Variants in CYP26A1 observed in about 807,000 individuals in gnomAD.
CYP26A1 encodes cytochrome P450 26A1.
CYP26A1 carries 46 observed loss-of-function variants against 47.4 expected under a neutral mutation model. The observed-to-expected ratio is 0.97, with a 90% CI of 0.77 to 1.24. The LOEUF is 1.24. Among genes scored for constraint, CYP26A1 ranks in the 50% most tolerant of loss-of-function variants. The probability of loss-of-function intolerance (pLI) is 0.00; values close to 1 mark genes in which losing one functional copy is unlikely to be tolerated. For synonymous variants in CYP26A1, 277 were observed against 263.7 expected, an observed-to-expected ratio of 1.05 and a Z score of -0.49; for missense variants, 680 against 644.4, an observed-to-expected ratio of 1.06 and a Z score of -0.60.
Position 93,075,083 on chromosome 10 carries a change from A to G in CYP26A1, c.705+14A>G, listed in dbSNP as rs773029246. 5.0e-6 allele frequency: 8 copies of G among 1,611,178 alleles called. No homozygotes were observed. In the Admixed American group the frequency reaches 1.0e-4, roughly 20 times the overall value. On this transcript the variant is annotated intron_variant, in intron 3 of 6. Transcript: ENST00000224356. Reference sequence around the variant, plus strand: ...GGGCTGTACCGGGTAAGGGCGGCAAACGGGCTGCGGACTAGGGGCGCGGGA... The same window carrying G: ...GGGCTGTACCGGGTAAGGGCGGCAAGCGGGCTGCGGACTAGGGGCGCGGGA...
rs772131596 is a variant in CYP26A1 at position 93,074,800 on chromosome 10, C to A, written c.436C>A (p.Arg146Ser). The change falls in exon 3 of 7, where the codon CGC (arginine) becomes AGC (serine). Residue 146 changes from arginine to serine, a missense_variant. By Grantham distance (110) the Arg-to-Ser change is moderately radical. Transcript: ENST00000224356. This position sits in a 1 kb window ranked among gnomAD's most constrained non-coding sequence, Gnocchi z 5.3. ...RKKVIMRAFS[R>S]EALECYVPVI... ...TCAGGTGATTATGCGGGCCTTCAGC[C>A]GCGAGGCACTCGAATGCTACGTGCC... 19 of 1,606,704 alleles carry A rather than the reference C, an allele frequency of 1.2e-5. No homozygotes were observed. Among genetic ancestry groups the A allele is most frequent in the Non-Finnish European group, 1.6e-5 (19 of 1,179,534 alleles).
chr10:93,074,814 A>G lies in CYP26A1; in HGVS notation c.450A>G (p.Glu150=). The change falls in exon 3 of 7, where the codon GAA becomes GAG. Residue 150 remains glutamate (E), a synonymous_variant. Transcript: ENST00000224356. This position sits in a 1 kb window ranked among gnomAD's most constrained non-coding sequence, Gnocchi z 5.3. ...IMRAFSREAL[E]CYVPVITEEV... is the part of the protein sequence containing the mutation. ...GGGCCTTCAGCCGCGAGGCACTCGA[A>G]TGCTACGTGCCGGTGATCACCGAGG... The G allele has an allele frequency of 1.2e-6, 2 of 1,609,458 alleles. No homozygotes were observed. Among genetic ancestry groups the G allele is most frequent in the Non-Finnish European group, 8.5e-7 (1 of 1,179,820 alleles).
intron 4 of CYP26A1, 65 bp downstream of exon 4, chr10:93,075,372 T>A: frequency 6.6e-7 from 1 of 1,520,104 alleles, no homozygotes; most frequent in Non-Finnish European, 9.0e-7. Flanking sequence ...GCGCTGTTCC[T>A]GGGGCCCCCA....
chr10:93,074,723 G>A lies in CYP26A1; in HGVS notation c.415-56G>A. 1.4e-6 allele frequency: 2 copies of A among 1,438,856 alleles called. No individual in the cohort carries two copies. The highest frequency in any genetic ancestry group is 1.4e-5 in the African/African-American group (1 of 71,960). The allele number at this position is 1,438,856 out of a possible 1,614,324, so 89.1% of individuals were successfully genotyped here. ...CTGGGGGTGTCTGGAAGGGGACGGC[G>A]GTAGACGAGAGGGGCGGATGGAGGC... On this transcript the variant is annotated intron_variant, in intron 2 of 6. Coordinates refer to ENST00000224356, the MANE Select transcript of CYP26A1 (RefSeq NM_000783.4). The surrounding 1 kb of genome is among the most constrained non-coding windows in gnomAD (Gnocchi z 5.3).
At position 93,075,077 on chromosome 10, in the gene CYP26A1, C is replaced by A; in HGVS notation, c.705+8C>A. On this transcript the variant is annotated splice_region_variant and intron_variant, in intron 3 of 6. Coordinates refer to ENST00000224356, the MANE Select transcript of CYP26A1 (RefSeq NM_000783.4). Reference sequence around the variant, plus strand: ...TTCAGCGGGCTGTACCGGGTAAGGGCGGCAAACGGGCTGCGGACTAGGGGC... The same window carrying A: ...TTCAGCGGGCTGTACCGGGTAAGGGAGGCAAACGGGCTGCGGACTAGGGGC... 6.2e-7 allele frequency: 1 copy of A among 1,611,250 alleles called. No individual in the cohort carries two copies. The highest frequency in any genetic ancestry group is 8.5e-7 in the Non-Finnish European group (1 of 1,178,658).
Position 93,075,002 on chromosome 10 carries a change from C to T in CYP26A1, c.638C>T (p.Ala213Val). The T allele has an allele frequency of 1.2e-6, 2 of 1,613,068 alleles. No individual in the cohort carries two copies. Among genetic ancestry groups the T allele is most frequent in the Non-Finnish European group, 1.7e-6 (2 of 1,180,014 alleles). Reference protein sequence around the residue: ...DGDSEQQLVEAFEEMTRNLFS... With the variant: ...DGDSEQQLVEVFEEMTRNLFS... Reference sequence around the variant, plus strand: ...GACTCCGAGCAGCAGCTTGTGGAGGCCTTCGAGGAAATGACCCGCAATCTC... The same window carrying T: ...GACTCCGAGCAGCAGCTTGTGGAGGTCTTCGAGGAAATGACCCGCAATCTC... The change falls in exon 3 of 7, where the codon GCC (alanine) becomes GTC (valine). Residue 213 changes from alanine (A) to valine (V), a missense_variant. By Grantham distance (64) the Ala-to-Val change is moderately conservative. Transcript: ENST00000224356.
intron 6 of CYP26A1, 68 bp downstream of exon 6, chr10:93,076,764 G>A: frequency 8.2e-7 from 1 of 1,220,370 alleles, no homozygotes; most frequent in Non-Finnish European, 1.2e-6. Context: ...TCCCTATGCT[G>A]TGGCTGCAAT....
chr10:93,075,806 G>C lies in CYP26A1; in HGVS notation c.865-20G>C. 1 of 1,599,528 alleles carries C rather than the reference G, an allele frequency of 6.3e-7. No individual in the cohort carries two copies. Among genetic ancestry groups the C allele is most frequent in the East Asian group, 2.2e-5 (1 of 44,772 alleles). On this transcript the variant is annotated intron_variant, in intron 4 of 6. Transcript: ENST00000224356. The stretch of plus-strand genomic sequence containing the variant: ...ACCGCAGGCAGACTTGTGAGAATGT[G>C]GGTCTCACTCTATTCTTAGGCACTA...
Position 93,077,154 on chromosome 10 carries a change from A to C in CYP26A1, c.1344A>C (p.Ala448=). 1 of 1,613,986 alleles carries C rather than the reference A, an allele frequency of 6.2e-7. No homozygotes were observed. Residue 448 remains alanine, a synonymous_variant, in exon 7 of 7, where the codon GCA becomes GCC. Transcript: ENST00000224356. The stretch of plus-strand genomic sequence containing the variant: ...GGAGCTGTGTAGGCAAAGAATTTGC[A>C]AAAATTCTTCTCAAAATATTTACAG... ...GLRSCVGKEF[A]KILLKIFTVE...
In CYP26A1 at chr10:93,076,547, T is replaced by A. The variant is rs1441867049; in HGVS notation, c.1003T>A (p.Leu335Ile). ...KVREELKSKG[L>I]LCKSNQDNKL... ...CTCTGTATGACTGTTTTGATAGGGT[T>A]TACTTTGCAAGAGCAATCAAGACAA... is the stretch of plus-strand genomic sequence containing the variant. The change falls in exon 6 of 7, where the codon TTA becomes ATA. Residue 335 changes from leucine to isoleucine, a missense_variant. Leu to Ile is a conservative substitution (Grantham distance 5). Coordinates refer to ENST00000224356, the MANE Select transcript of CYP26A1 (RefSeq NM_000783.4). The A allele has an allele frequency of 1.9e-6, 3 of 1,604,372 alleles. No homozygotes were observed. Among genetic ancestry groups the A allele is most frequent in the Non-Finnish European group, 2.6e-6 (3 of 1,173,550 alleles).
Position 93,077,625 on chromosome 10 carries a change from A to G in CYP26A1, c.*321A>G, listed in dbSNP as rs1466133154. ...ATCTTTGCATCTGTTTTCTGTGAGA[A>G]GAAATCTTAGCTGTTTTTTATGTTA... is the stretch of plus-strand genomic sequence containing the variant. On this transcript the variant is annotated 3_prime_UTR_variant, in exon 7 of 7. Coordinates refer to ENST00000224356, the MANE Select transcript of CYP26A1 (RefSeq NM_000783.4). 1 of 174,230 alleles carries G rather than the reference A, an allele frequency of 5.7e-6. No individual in the cohort carries two copies. The highest frequency in any genetic ancestry group is 1.2e-5 in the Non-Finnish European group (1 of 83,386). 10.8% of individuals were successfully genotyped at this position (174,230 alleles called of 1,614,324 possible).
rs1390466497 is a variant in CYP26A1 at position 93,074,996 on chromosome 10, T to G, written c.632T>G (p.Val211Gly). ...AGDGDSEQQL[V>G]EAFEEMTRNL... ...GACGGGGACTCCGAGCAGCAGCTTG[T>G]GGAGGCCTTCGAGGAAATGACCCGC... The change falls in exon 3 of 7, where the codon GTG (valine) becomes GGG (glycine). Residue 211 changes from valine to glycine, a missense_variant. Val to Gly is a moderately radical substitution (Grantham distance 109, BLOSUM62 -3). Coordinates refer to ENST00000224356, the MANE Select transcript of CYP26A1 (RefSeq NM_000783.4). This position sits in a 1 kb window ranked among gnomAD's most constrained non-coding sequence, Gnocchi z 5.3. The G allele has an allele frequency of 6.2e-7, 1 of 1,613,100 alleles. No homozygotes were observed.
In CYP26A1 at chr10:93,075,216, T is replaced by C. The variant is rs771947140; in HGVS notation, c.773T>C (p.Leu258Pro). Residue 258 changes from leucine to proline, a missense_variant, in exon 4 of 7, where the codon CTG becomes CCG. Transcript: ENST00000224356. ...EQNIRAKICGLRASEAGQGCK... is the reference protein window; with the variant it reads ...EQNIRAKICGPRASEAGQGCK... ...AACATTCGCGCCAAGATCTGCGGGC[T>C]GCGGGCATCCGAGGCGGGCCAGGGC... The C allele has an allele frequency of 1.2e-6, 2 of 1,613,984 alleles. No homozygotes were observed. Among genetic ancestry groups the C allele is most frequent in the Non-Finnish European group, 1.7e-6 (2 of 1,179,972 alleles).
At position 93,074,142 on chromosome 10, in the gene CYP26A1, G is replaced by GTT; in HGVS notation, c.189+19_189+20insTT. ...ACTGCAGGTAAGGGAGGGTGGGGCG[G>GTT]GACAGGCTGCTTCCCCGGAGCCCGG... On this transcript the variant is annotated intron_variant, in intron 1 of 6. Coordinates refer to ENST00000224356, the MANE Select transcript of CYP26A1 (RefSeq NM_000783.4). The surrounding 1 kb of genome is among the most constrained non-coding windows in gnomAD (Gnocchi z 5.3). The GTT allele has an allele frequency of 1.7e-6, 1 of 572,846 alleles. No homozygotes were observed. Among genetic ancestry groups the GTT allele is most frequent in the Non-Finnish European group, 3.1e-6 (1 of 321,102 alleles). The allele number at this position is 572,846 out of a possible 1,614,324, so 35.5% of individuals were successfully genotyped here.
intron 6 of CYP26A1, 44 bp from the exon 7 acceptor site, chr10:93,076,919 A>T (rs763936477): frequency 2.3e-6 from 3 of 1,323,176 alleles, no homozygotes; most frequent in Non-Finnish European, 3.1e-6. Flanking sequence ...GTTGAAAGTT[A>T]AATTCCAGTT....
At position 93,076,554 on chromosome 10, in the gene CYP26A1, G is replaced by T; in HGVS notation, c.1010G>T (p.Cys337Phe). The T allele has an allele frequency of 6.2e-7, 1 of 1,607,164 alleles. No individual in the cohort carries two copies. Among genetic ancestry groups the T allele is most frequent in the Non-Finnish European group, 8.5e-7 (1 of 1,175,376 alleles). Residue 337 changes from cysteine (C) to phenylalanine (F), a missense_variant, in exon 6 of 7, where the codon TGC becomes TTC. Physicochemically the swap from Cys to Phe is radical, Grantham distance 205. Coordinates refer to ENST00000224356, the MANE Select transcript of CYP26A1 (RefSeq NM_000783.4). Reference protein sequence around the residue: ...REELKSKGLLCKSNQDNKLDM... With the variant: ...REELKSKGLLFKSNQDNKLDM... ...TGACTGTTTTGATAGGGTTTACTTT[G>T]CAAGAGCAATCAAGACAACAAGTTG...
chr10:93,074,617 A>G lies in CYP26A1; in HGVS notation c.414+85A>G. 4 of 1,108,714 alleles carry G rather than the reference A, an allele frequency of 3.6e-6. No individual in the cohort carries two copies. The highest frequency in any genetic ancestry group is 2.4e-5 in the East Asian group (1 of 42,300). 68.7% of individuals were successfully genotyped at this position (1,108,714 alleles called of 1,614,324 possible). On this transcript the variant is annotated intron_variant, in intron 2 of 6. Transcript: ENST00000224356. This position sits in a 1 kb window ranked among gnomAD's most constrained non-coding sequence, Gnocchi z 5.3. Reference sequence around the variant, plus strand: ...GGCTGATGGATGCTAGGCGCGGGCTAGCAGCTTGAGGTGGGCTAGGACCCT... The same window carrying G: ...GGCTGATGGATGCTAGGCGCGGGCTGGCAGCTTGAGGTGGGCTAGGACCCT...
rs1306198576 is a variant in CYP26A1 at position 93,077,206 on chromosome 10, C to T, written c.1396C>T (p.Gln466Ter). 6 of 1,611,158 alleles carry T rather than the reference C, an allele frequency of 3.7e-6. No individual in the cohort carries two copies. The Admixed American group carries it at 8.3e-5, about 22-fold the overall frequency. Reference protein sequence around the residue: ...TVELARHCDWQLLNGPPTMKT... With the variant: ...TVELARHCDW Reference sequence around the variant, plus strand: ...GGAGCTGGCCAGGCATTGTGACTGGCAGCTTCTAAATGGACCTCCTACAAT... The same window carrying T: ...GGAGCTGGCCAGGCATTGTGACTGGTAGCTTCTAAATGGACCTCCTACAAT... Residue 466 changes from glutamine to a stop codon, truncating the protein, a stop_gained, in exon 7 of 7, where the codon CAG becomes TAG. Transcript: ENST00000224356. LOFTEE classifies it high-confidence loss of function.
intron 4 of CYP26A1, 192 bp downstream of exon 4, chr10:93,075,499 G>A (rs906974255): frequency 3.2e-6 from 2 of 622,058 alleles, no homozygotes. Flanking sequence ...GGGCTGCGGC[G>A]GAACTGGGAG....
Sources: allele counts gnomAD v4.1 joint callset, GRCh38; gene constraint gnomAD v4.1.1; non-coding constraint Gnocchi (gnomAD v3.1); transcripts MANE v1.5; gene names NCBI Gene and HGNC (gene_info 2026-07-23, HGNC 2026-07-21).